Variants in IFT140 observed in about 807,000 individuals in gnomAD.
IFT140 encodes the protein intraflagellar transport protein 140 homolog.
Under a neutral mutation model 164.6 loss-of-function variants are expected in IFT140, and 133 were observed. That is an observed-to-expected ratio of 0.81 (90% CI 0.70 to 0.93). IFT140 has a LOEUF of 0.93. Ranked by LOEUF, IFT140 falls within the 40% of genes least tolerant of loss-of-function variation. IFT140 has a pLI of 0.00. For missense variants in IFT140, 2,045 were observed against 1,972.3 expected (o/e 1.04, Z -0.70); for synonymous variants, 860 against 817.3 (o/e 1.05, Z -0.89).
At chr16:1,591,219 C>T (rs963771241) in intron 6 of IFT140, among the ~76,000 whole-genome samples, 3 of 152,050 alleles carry the variant, frequency 2.0e-5, no homozygotes, top group African/African-American at 7.2e-5. Context: ...GCGCTTCTTC[C>T]TTGTGGGCCT....
At chr16:1,526,494 G>T in intron 20 of IFT140, 125 bp downstream of exon 20, 1 of 1,060,826 alleles carries the variant, frequency 9.4e-7, no homozygotes, top group Non-Finnish European at 1.3e-6. Flanking sequence ...CCTGGGTCAT[G>T]CCTCTCGGCT....
chr16:1,558,235 T>A (rs1462497714), intron 18 of IFT140, 101 bp from the exon 19 acceptor site: 1 of 1,158,748 alleles, frequency 8.6e-7, no homozygotes, highest in Non-Finnish European at 1.3e-6. Context: ...GGGGGAGAAA[T>A]CCCTCTGCAG....
At chr16:1,540,681 G>A (rs1249227859) in intron 19 of IFT140, 5 of 285,464 alleles carry the variant, frequency 1.8e-5, no homozygotes, top group East Asian at 1.8e-4. Context: ...GCGGGGACCC[G>A]CTCCTGAGTG....
intron 14 of IFT140, among the ~76,000 whole-genome samples, chr16:1,570,152 A>C (rs1372701505): frequency 1.3e-5 from 2 of 152,190 alleles, no homozygotes; most frequent in African/African-American, 4.8e-5. Context: ...TAGAGTCAGC[A>C]TCTCTCCAAG....
At chr16:1,556,391 T>G (rs1011940831) in intron 19 of IFT140, among the ~76,000 whole-genome samples, 2 of 152,194 alleles carry the variant, frequency 1.3e-5, no homozygotes, top group African/African-American at 4.8e-5. Context: ...GCCTGGCGCC[T>G]CCTCTGCCTG....
intron 19 of IFT140, among the ~76,000 whole-genome samples, chr16:1,537,384 C>T (rs1193512792): frequency 6.6e-6 from 1 of 152,156 alleles, no homozygotes; most frequent in Non-Finnish European, 1.5e-5. Context: ...ATCCAGCGCT[C>T]GTCACTCGCA....
chr16:1,549,471 G>A (rs2032456951), intron 19 of IFT140, among the ~76,000 whole-genome samples: 1 of 152,228 alleles, frequency 6.6e-6, no homozygotes, highest in Non-Finnish European at 1.5e-5. Flanking sequence ...TTGTTGCCCA[G>A]GCTGGAGGGC....
At position 1,554,985 on chromosome 16, in the gene IFT140, C is replaced by T. The variant is rs764618204; in HGVS notation, c.2399+2950G>A. On this transcript the variant is annotated intron_variant, in intron 19 of 30. Transcript: ENST00000426508. Reference sequence around the variant, plus strand: ...CAGCCGCTCCCTGACAGCGCGCTTTCGCCGTGGGCTGGACAATGACTACGT... The same window carrying T: ...CAGCCGCTCCCTGACAGCGCGCTTTTGCCGTGGGCTGGACAATGACTACGT... 13 of 1,613,516 alleles carry T rather than the reference C, an allele frequency of 8.1e-6. No homozygotes were observed. The Admixed American group carries it at 1.5e-4, about 19-fold the overall frequency.
rs1299883097 is a variant in IFT140, at chr16:1,517,841, T to C, written c.4182+375A>G. Among the ~76,000 whole-genome samples, 3 of 150,326 alleles carry C rather than the reference T, an allele frequency of 2.0e-5. No individual in the cohort carries two copies. The East Asian group carries it at 5.8e-4, about 29-fold the overall frequency. ...ACTGTTACTTTTTGCTACCGACAGA[T>C]TTTTTTTTTCTTTTGAGACAGGGTC... On this transcript the variant is annotated intron_variant, in intron 30 of 30. Coordinates refer to ENST00000426508, the MANE Select transcript of IFT140 (RefSeq NM_014714.4).
At chr16:1,599,649 T>TGGG (rs1318857526) in intron 4 of IFT140, among the ~76,000 whole-genome samples, 1 of 10,370 alleles carries the variant, frequency 9.6e-5, no homozygotes, top group Admixed American at 7.8e-4. Flanking sequence ...GGGAGGGAGG[T>TGGG]GGGGGGGGTC....
At chr16:1,601,765 G>A (rs1442986367) in intron 4 of IFT140, among the ~76,000 whole-genome samples, 1 of 152,262 alleles carries the variant, frequency 6.6e-6, no homozygotes, top group African/African-American at 2.4e-5. Flanking sequence ...CCAGGGGACT[G>A]AGGAGACAGG....
rs575121273 is a variant in IFT140 at position 1,526,602 on chromosome 16, T to C, written c.2577+17A>G. The C allele has an allele frequency of 7.2e-7, 1 of 1,398,026 alleles. No homozygotes were observed. Among genetic ancestry groups the C allele is most frequent in the African/African-American group, 1.5e-5 (1 of 66,998 alleles). 86.6% of individuals were successfully genotyped at this position (1,398,026 alleles called of 1,614,324 possible). A position where few individuals can be genotyped will look rare whatever the true frequency, so the allele number is the denominator to read the frequency against. ...GCGTGGTGCCTTCCCACCCACCCCA[T>C]GGCGGGCGCCCCTCACCAGCATGCC... On this transcript the variant is annotated intron_variant, in intron 20 of 30. Transcript: ENST00000426508.
intron 10 of IFT140, among the ~76,000 whole-genome samples, chr16:1,585,395 T>C (rs759514031): frequency 4.6e-5 from 7 of 152,156 alleles, no homozygotes; most frequent in Non-Finnish European, 1.0e-4. Context: ...GGTAGATTAG[T>C]GGCTGCCAAG....
chr16:1,525,570 C>T (rs2040664293), intron 21 of IFT140, among the ~76,000 whole-genome samples: 1 of 152,226 alleles, frequency 6.6e-6, no homozygotes, highest in South Asian at 2.1e-4. Flanking sequence ...AAGAGCAGCT[C>T]CTCCTCTGGA....
chr16:1,567,831 C>T (rs530486999), intron 15 of IFT140, among the ~76,000 whole-genome samples: 45 of 152,324 alleles, frequency 3.0e-4, no homozygotes, highest in Admixed American at 7.2e-4. Flanking sequence ...CTGAGTGGGA[C>T]GCCTGAGGGC....
At chr16:1,580,906 G>A (rs1267626806) in intron 12 of IFT140, 56 bp from the exon 13 acceptor site, 20 of 1,165,556 alleles carry the variant, frequency 1.7e-5, no homozygotes, top group South Asian at 3.7e-5. Flanking sequence ...GACTTGCTGG[G>A]AGTTTCAGGA....
At chr16:1,560,321 T>C (rs2033335613) in intron 18 of IFT140, among the ~76,000 whole-genome samples, 2 of 152,226 alleles carry the variant, frequency 1.3e-5, no homozygotes, top group African/African-American at 4.8e-5. Flanking sequence ...CTCTGCTGGC[T>C]GTGCAGCCTG....
intron 30 of IFT140, chr16:1,513,309 G>A (rs2040229912): frequency 6.6e-6 from 1 of 152,158 alleles, no homozygotes; most frequent in Admixed American, 6.5e-5. Context: ...CTAACACGGT[G>A]AAACCCCGTC....
chr16:1,518,217 G>A lies in IFT140; in HGVS notation c.4181C>T (p.Thr1394Met), dbSNP rs771765849. The A allele has an allele frequency of 1.5e-5, 24 of 1,611,428 alleles. No individual in the cohort carries two copies. Among genetic ancestry groups the A allele is most frequent in the East Asian group, 8.9e-5 (4 of 44,880 alleles). Residue 1394 changes from threonine to methionine, a missense_variant and splice_region_variant, in exon 30 of 31, where the codon ACG (threonine) becomes ATG (methionine). Coordinates refer to ENST00000426508, the MANE Select transcript of IFT140 (RefSeq NM_014714.4). Reference sequence around the variant, plus strand: ...TAGTGAGCAGCACTCAGGCCTCACCGTCTGGTATTCCTCCTTCCGCACGTA... The same window carrying A: ...TAGTGAGCAGCACTCAGGCCTCACCATCTGGTATTCCTCCTTCCGCACGTA... ...EHYVRKEEYQ[T>M]AYRFLEEMRR...
Sources: gnomAD v4.1 joint callset for allele counts (sites outside exome capture counted in the v4.1 genomes callset) on GRCh38, gnomAD v4.1.1 for gene constraint, MANE v1.5 for transcripts, NCBI Gene and HGNC (gene_info 2026-07-23, HGNC 2026-07-21) for gene names.